LRP1B: variants seen among roughly 807,000 people sequenced by gnomAD.
The protein encoded by LRP1B is low-density lipoprotein receptor-related protein 1B.
In LRP1B, 217 loss-of-function variants were observed where a neutral mutation model predicts 556.6. The ratio of observed to expected loss-of-function variants is 0.39; its 90% confidence interval spans 0.35 to 0.44. The LOEUF is 0.44. Among genes scored for constraint, LRP1B ranks in the 20% least tolerant of loss-of-function variants. The pLI is 1.00. For missense variants in LRP1B, 5,053 were observed against 5,620.8 expected, an observed-to-expected ratio of 0.90 and a Z score of 3.23; for synonymous variants, 2,047 against 1,865.8, an observed-to-expected ratio of 1.10 and a Z score of -2.50.
intron 3 of LRP1B, among the ~76,000 whole-genome samples, chr2:141,455,029 A>G (rs1158088946): frequency 6.6e-6 from 1 of 152,128 alleles, no homozygotes. Context: ...GCAATAGAAA[A>G]TGACTATCTA....
chr2:140,314,668 C>T (rs1684443552), intron 83 of LRP1B, among the ~76,000 whole-genome samples: 1 of 152,062 alleles, frequency 6.6e-6, no homozygotes. Context: ...CTCTACTAAT[C>T]ATTCTGAGCC....
chr2:141,672,167 C>T (rs1690696869), intron 2 of LRP1B, among the ~76,000 whole-genome samples: 1 of 152,012 alleles, frequency 6.6e-6, no homozygotes, highest in African/African-American at 2.4e-5. Flanking sequence ...TTCAAGGTTC[C>T]AAGTGTTTCA....
At chr2:140,867,469 A>C in intron 27 of LRP1B, 121 bp downstream of exon 27, 3 of 1,069,552 alleles carry the variant, frequency 2.8e-6, no homozygotes, top group South Asian at 2.5e-5. Context: ...CTTCCCTCAT[A>C]GAGTATGCGT....
intron 43 of LRP1B, among the ~76,000 whole-genome samples, chr2:140,582,088 T>C (rs1681785442): frequency 6.6e-6 from 1 of 152,130 alleles, no homozygotes; most frequent in Non-Finnish European, 1.5e-5. Flanking sequence ...GACACACATA[T>C]ATCTATACCT....
At chr2:140,528,802 G>A (rs1558945837) in intron 47 of LRP1B, among the ~76,000 whole-genome samples, 1 of 151,928 alleles carries the variant, frequency 6.6e-6, no homozygotes, top group East Asian at 1.9e-4. Context: ...AGAAATAGTA[G>A]GAACTTCATT....
intron 2 of LRP1B, among the ~76,000 whole-genome samples, chr2:141,696,366 TTA>T (rs1385143082): frequency 6.6e-6 from 1 of 151,988 alleles, no homozygotes; most frequent in East Asian, 1.9e-4. Flanking sequence ...AAAGCAGAAA[TTA>T]TATGTTACTT....
intron 1 of LRP1B, among the ~76,000 whole-genome samples, chr2:141,955,955 A>G (rs996463845): frequency 2.6e-5 from 4 of 152,026 alleles, no homozygotes; most frequent in Non-Finnish European, 5.9e-5. Flanking sequence ...TGTAATCCCA[A>G]TGCTTTGGGA....
At chr2:141,273,939 T>C (rs974422199) in intron 3 of LRP1B, among the ~76,000 whole-genome samples, 1 of 152,216 alleles carries the variant, frequency 6.6e-6, no homozygotes, top group African/African-American at 2.4e-5. Flanking sequence ...GTTACACAAA[T>C]GTCCAATAAA....
chr2:140,964,519 G>T (rs542787250), intron 18 of LRP1B, among the ~76,000 whole-genome samples: 1 of 151,962 alleles, frequency 6.6e-6, no homozygotes, highest in Non-Finnish European at 1.5e-5. Context: ...AGACGCTGAT[G>T]TCACCGCTAG....
At chr2:141,037,495 C>T (rs897850534) in intron 11 of LRP1B, among the ~76,000 whole-genome samples, 5 of 151,952 alleles carry the variant, frequency 3.3e-5, no homozygotes, top group African/African-American at 7.3e-5. Flanking sequence ...ATGAAACTCA[C>T]GTCTCAGAAT....
At chr2:141,810,113 AAAAGAAAG>A (rs67681645) in intron 2 of LRP1B, among the ~76,000 whole-genome samples, 158 bp downstream of exon 2, 1,568 of 77,882 alleles carry the variant, frequency 0.02, 14 homozygotes, top group East Asian at 0.039. Context: ...GAAAGAAAGA[AAAAGAAAG>A]AAAGAAAGAA....
At chr2:140,663,153 T>C (rs1213942665) in intron 41 of LRP1B, among the ~76,000 whole-genome samples, 1 of 152,174 alleles carries the variant, frequency 6.6e-6, no homozygotes, top group Admixed American at 6.6e-5. Flanking sequence ...CAACAGAGAA[T>C]TTGTGTTTTT....
intron 2 of LRP1B, among the ~76,000 whole-genome samples, chr2:141,530,956 A>ATT (rs200784132): frequency 3.4e-4 from 50 of 146,308 alleles, no homozygotes; most frequent in African/African-American, 8.9e-4. Context: ...AGATGTTTGG[A>ATT]TTTTTTTTTT....
At chr2:140,491,498 T>TCC (rs1688698561) in intron 57 of LRP1B, among the ~76,000 whole-genome samples, 2 of 152,078 alleles carry the variant, frequency 1.3e-5, no homozygotes, top group Non-Finnish European at 2.9e-5. Flanking sequence ...AGAAGGGCTG[T>TCC]GAAGTCATAT....
intron 3 of LRP1B, among the ~76,000 whole-genome samples, chr2:141,405,939 T>C (rs947434415): frequency 6.6e-6 from 1 of 152,096 alleles, no homozygotes; most frequent in Non-Finnish European, 1.5e-5. Flanking sequence ...CTTTCTTATA[T>C]AGTACAGTAG....
chr2:141,514,746 C>G (rs565584022), intron 2 of LRP1B, among the ~76,000 whole-genome samples: 1 of 152,276 alleles, frequency 6.6e-6, no homozygotes, highest in South Asian at 2.1e-4. Context: ...TGAACACTTA[C>G]GTTAGCCTAC....
At position 140,370,805 on chromosome 2, in the gene LRP1B, C is replaced by T. The variant is rs755152910; in HGVS notation, c.10913G>A (p.Arg3638Gln). The change falls in exon 71 of 91, where the codon CGG (arginine) becomes CAG (glutamine). Residue 3638 changes from arginine (R) to glutamine (Q), a missense_variant. Around this residue, in one of 5 missense-constraint regions of LRP1B, gnomAD observed 599 missense variants for 648.4 expected, o/e 0.92. Transcript: ENST00000389484. ...AATACAGTGGGCTTTATTTTTGCAC[C>T]GAAACTGATCTTCCTTACATTCAGT... is the stretch of plus-strand genomic sequence containing the variant. The part of the protein sequence containing the change: ...CVTECKEDQF[R>Q]CKNKAHCIPI... The T allele has an allele frequency of 1.3e-5, 21 of 1,612,434 alleles. No individual in the cohort carries two copies. Among genetic ancestry groups the T allele is most frequent in the East Asian group, 2.2e-5 (1 of 44,788 alleles).
intron 55 of LRP1B, among the ~76,000 whole-genome samples, chr2:140,497,440 A>G (rs914746083): frequency 6.6e-6 from 1 of 151,958 alleles, no homozygotes; most frequent in Non-Finnish European, 1.5e-5. Context: ...AATGCCATTA[A>G]CTGTACACAT....
chr2:140,545,743 A>AT (rs1001496252), intron 43 of LRP1B, among the ~76,000 whole-genome samples: 9 of 151,914 alleles, frequency 5.9e-5, no homozygotes, highest in South Asian at 4.2e-4. Flanking sequence ...CTATTTGGGC[A>AT]TTTTTTTGGT....
Sources: gnomAD v4.1 joint callset for allele counts (sites outside exome capture counted in the v4.1 genomes callset) on GRCh38, gnomAD v4.1.1 for gene constraint, gnomAD v4.1.1 regional missense constraint, MANE v1.5 for transcripts, NCBI Gene and HGNC (gene_info 2026-07-23, HGNC 2026-07-21) for gene names.